The following CSMD1 variants were observed in gnomAD, a reference collection of about 807,000 sequenced individuals.
The protein encoded by CSMD1 is CUB and sushi domain-containing protein 1.
Under a neutral mutation model 417.5 loss-of-function variants are expected in CSMD1, and 213 were observed. That is an observed-to-expected ratio of 0.51 (90% confidence interval 0.46 to 0.57). The LOEUF is 0.57. Ranked by LOEUF, CSMD1 falls within the 20% of genes least tolerant of loss-of-function variation. CSMD1 has a pLI of 0.00. For missense variants in CSMD1, 6,923 were observed against 4,529.7 expected, an observed-to-expected ratio of 1.53 and a Z score of -15.17; for synonymous variants, 2,862 against 1,736.8, an observed-to-expected ratio of 1.65 and a Z score of -16.11.
intron 4 of CSMD1, among the ~76,000 whole-genome samples, chr8:4,027,006 A>G (rs754423006): frequency 6.6e-6 from 1 of 152,246 alleles, no homozygotes; most frequent in African/African-American, 2.4e-5. Flanking sequence ...TATGACAGAT[A>G]ATAAGCTAAC....
At chr8:4,694,411 G>A (rs891874935) in intron 1 of CSMD1, among the ~76,000 whole-genome samples, 6 of 151,996 alleles carry the variant, frequency 3.9e-5, no homozygotes, top group East Asian at 1.9e-4. Context: ...GAGTGCAGTC[G>A]TGTGATCTTG....
At chr8:4,280,017 C>G (rs372320004) in intron 3 of CSMD1, among the ~76,000 whole-genome samples, 9 of 152,344 alleles carry the variant, frequency 5.9e-5, no homozygotes, top group African/African-American at 2.2e-4. Flanking sequence ...CTGCTGCTTC[C>G]TTCCCAGCCT....
chr8:3,814,450 T>G (rs1273292593), intron 5 of CSMD1, among the ~76,000 whole-genome samples: 1 of 152,204 alleles, frequency 6.6e-6, no homozygotes, highest in Non-Finnish European at 1.5e-5. Context: ...AGAATTGTCA[T>G]GAAATAATGA....
At chr8:4,895,811 T>A (rs1289607741) in intron 1 of CSMD1, among the ~76,000 whole-genome samples, 1 of 152,102 alleles carries the variant, frequency 6.6e-6, no homozygotes, top group Non-Finnish European at 1.5e-5. Context: ...CAGCTGCTCC[T>A]AAATCCCCTA....
chr8:4,508,835 G>GT lies in CSMD1; in HGVS notation c.303-88771dup, dbSNP rs397942262. On this transcript the variant is annotated intron_variant, in intron 2 of 69. Coordinates refer to ENST00000635120, the MANE Select transcript of CSMD1 (RefSeq NM_033225.6). The stretch of plus-strand genomic sequence containing the variant: ...TATTTAAAAATATTAAATTTTAGTG[G>GT]TTTTTTTTTGGAATGTAAGCTTTCT... Among the ~76,000 whole-genome samples, 566 of 151,370 alleles carry GT rather than the reference G, an allele frequency of 3.7e-3. 9 individuals carry two copies. The highest frequency in any genetic ancestry group is 0.011 in the African/African-American group (460 of 41,294).
chr8:4,335,206 G>C (rs1800099227), intron 3 of CSMD1, among the ~76,000 whole-genome samples: 1 of 152,024 alleles, frequency 6.6e-6, no homozygotes, highest in Admixed American at 6.6e-5. Flanking sequence ...GGCTGGCCTG[G>C]GCTCTCTTTT....
chr8:3,039,097 G>A (rs1433896257), intron 50 of CSMD1, among the ~76,000 whole-genome samples: 1 of 152,174 alleles, frequency 6.6e-6, no homozygotes, highest in Non-Finnish European at 1.5e-5. Flanking sequence ...GGTACTTAGA[G>A]AAAGTGGGTG....
intron 51 of CSMD1, among the ~76,000 whole-genome samples, chr8:3,025,968 G>A (rs892876867): frequency 6.6e-6 from 1 of 152,142 alleles, no homozygotes; most frequent in Non-Finnish European, 1.5e-5. Context: ...TCCAGTGGTA[G>A]GCAGAATTCG....
intron 10 of CSMD1, among the ~76,000 whole-genome samples, chr8:3,515,596 A>G (rs1212845429): frequency 1.3e-5 from 2 of 152,246 alleles, no homozygotes; most frequent in Non-Finnish European, 2.9e-5. Context: ...TGTTTCCAAC[A>G]GAAAACTTAT....
At chr8:4,259,035 G>A (rs1007779912) in intron 3 of CSMD1, among the ~76,000 whole-genome samples, 46 of 152,260 alleles carry the variant, frequency 3.0e-4, no homozygotes, top group East Asian at 1.9e-4. Flanking sequence ...GAACTTTAAA[G>A]GAAAAATTGT....
chr8:3,283,525 A>T (rs561386622), intron 26 of CSMD1, among the ~76,000 whole-genome samples: 1 of 145,124 alleles, frequency 6.9e-6, no homozygotes, highest in African/African-American at 2.6e-5. Context: ...TTTTCCTTTG[A>T]TACTGACAGT....
intron 3 of CSMD1, among the ~76,000 whole-genome samples, chr8:4,336,922 A>G (rs908277168): frequency 1.3e-5 from 2 of 152,128 alleles, no homozygotes; most frequent in African/African-American, 4.8e-5. Flanking sequence ...AATAATAACA[A>G]TACAGAAATT....
chr8:3,851,372 AC>A (rs1240966253), intron 5 of CSMD1, among the ~76,000 whole-genome samples: 2 of 152,206 alleles, frequency 1.3e-5, no homozygotes, highest in Admixed American at 1.3e-4. Context: ...CCATCCCTGA[AC>A]CACTTTTGTT....
intron 5 of CSMD1, among the ~76,000 whole-genome samples, chr8:3,909,347 T>A (rs1413677893): frequency 6.6e-6 from 1 of 152,040 alleles, no homozygotes; most frequent in Non-Finnish European, 1.5e-5. Flanking sequence ...TGCTGGGAAA[T>A]GCCAGTCTGA....
intron 5 of CSMD1, among the ~76,000 whole-genome samples, chr8:3,873,242 A>G (rs1267046264): frequency 6.6e-6 from 1 of 152,188 alleles, no homozygotes; most frequent in Non-Finnish European, 1.5e-5. Flanking sequence ...TATCATAAAG[A>G]CACATGCAGG....
chr8:4,822,119 T>C (rs1178784706), intron 1 of CSMD1, among the ~76,000 whole-genome samples: 1 of 152,024 alleles, frequency 6.6e-6, no homozygotes, highest in African/African-American at 2.4e-5. Context: ...ATGCTTCCTA[T>C]CTTCCCTTTT....
At chr8:3,094,977 C>T (rs1815197795) in intron 47 of CSMD1, among the ~76,000 whole-genome samples, 1 of 152,118 alleles carries the variant, frequency 6.6e-6, no homozygotes, top group African/African-American at 2.4e-5. Flanking sequence ...ATAATTTTGA[C>T]AGCAAGTATT....
intron 3 of CSMD1, among the ~76,000 whole-genome samples, chr8:4,106,931 G>A (rs1325374088): frequency 1.3e-5 from 2 of 152,120 alleles, no homozygotes; most frequent in Non-Finnish European, 2.9e-5. Flanking sequence ...AAACCAAAAC[G>A]CGTTGTGGTT....
At chr8:3,805,635 G>T (rs1585025922) in intron 5 of CSMD1, among the ~76,000 whole-genome samples, 1 of 152,132 alleles carries the variant, frequency 6.6e-6, no homozygotes, top group African/African-American at 2.4e-5. Flanking sequence ...TATTACCTTG[G>T]TGGGGAGTAA....
Sources: gnomAD v4.1 joint callset for allele counts (sites outside exome capture counted in the v4.1 genomes callset) on GRCh38, gnomAD v4.1.1 for gene constraint, MANE v1.5 for transcripts, NCBI Gene and HGNC (gene_info 2026-07-23, HGNC 2026-07-21) for gene names.